FMN2: variants seen among roughly 807,000 people sequenced by gnomAD.
FMN2 encodes the protein formin 2, also known as formin-2.
A neutral mutation model predicts 142.3 loss-of-function variants in FMN2; 51 were observed. The observed-to-expected ratio is 0.36, with a 90% CI of 0.29 to 0.45. The LOEUF (loss-of-function observed/expected upper bound fraction) is 0.45. Ranked by LOEUF, FMN2 falls within the 20% of genes least tolerant of loss-of-function variation. The pLI is 1.00. For missense variants in FMN2, 1,936 were observed against 2,122.8 expected (o/e 0.91, Z 1.73); for synonymous variants, 882 against 869.8 (o/e 1.01, Z -0.25).
At chr1:240,279,461 A>G (rs1669324820) in intron 7 of FMN2, among the ~76,000 whole-genome samples, 2 of 152,164 alleles carry the variant, frequency 1.3e-5, no homozygotes, top group African/African-American at 4.8e-5. Context: ...TGTAAGAAGC[A>G]GGTGGTACTT....
intron 14 of FMN2, among the ~76,000 whole-genome samples, chr1:240,365,320 T>C (rs1043549351): frequency 8.5e-5 from 11 of 129,052 alleles, no homozygotes; most frequent in East Asian, 4.8e-4. Flanking sequence ...CACATATATA[T>C]ACACACACAC....
At chr1:240,426,527 A>G (rs1674940849) in intron 15 of FMN2, among the ~76,000 whole-genome samples, 1 of 152,176 alleles carries the variant, frequency 6.6e-6, no homozygotes, top group Admixed American at 6.5e-5. Context: ...TGGAAAAGTT[A>G]AAATATGTGC....
chr1:240,296,698 T>C (rs1016506265), intron 8 of FMN2, among the ~76,000 whole-genome samples: 22 of 151,616 alleles, frequency 1.5e-4, no homozygotes, highest in African/African-American at 1.7e-4. Context: ...ATATGTTATA[T>C]GGTGGTCTCA....
At chr1:240,335,254 G>A (rs1671518820) in intron 13 of FMN2, among the ~76,000 whole-genome samples, 1 of 152,146 alleles carries the variant, frequency 6.6e-6, no homozygotes, top group African/African-American at 2.4e-5. Context: ...GTTGAAGAGG[G>A]CTGAAATTCT....
At position 240,381,173 on chromosome 1, in the gene FMN2, C is replaced by T. The variant is rs559048235; in HGVS notation, c.4859-11338C>T. Reference sequence around the variant, plus strand: ...TAACTCATTCATGAAAACAGTATGACCCTGGTACCAAAATCAGGCTAGAAC... The same window carrying T: ...TAACTCATTCATGAAAACAGTATGATCCTGGTACCAAAATCAGGCTAGAAC... On this transcript the variant is annotated intron_variant, in intron 14 of 17. Coordinates refer to ENST00000319653, the MANE Select transcript of FMN2 (RefSeq NM_020066.5). Among the ~76,000 whole-genome samples, 13 of 152,142 alleles carry T rather than the reference C, an allele frequency of 8.5e-5. No individual in the cohort carries two copies. In the South Asian group the frequency reaches 2.7e-3, roughly 32 times the overall value.
At chr1:240,336,077 A>G (rs1671544532) in intron 13 of FMN2, among the ~76,000 whole-genome samples, 1 of 152,180 alleles carries the variant, frequency 6.6e-6, no homozygotes, top group Non-Finnish European at 1.5e-5. Flanking sequence ...TGGGAGGCAG[A>G]GGTTGCAGTG....
chr1:240,410,835 T>C (rs1173189486), intron 15 of FMN2, among the ~76,000 whole-genome samples: 2 of 152,174 alleles, frequency 1.3e-5, no homozygotes, highest in Non-Finnish European at 1.5e-5. Context: ...GTAGACATAG[T>C]TGCAAAAGTC....
At chr1:240,466,827 T>C (rs1483453109) in intron 16 of FMN2, among the ~76,000 whole-genome samples, 1 of 152,158 alleles carries the variant, frequency 6.6e-6, no homozygotes, top group Non-Finnish European at 1.5e-5. Context: ...CCTAACCTTC[T>C]CTAGGTGCGA....
At chr1:240,307,753 AG>A (rs1215604332) in intron 8 of FMN2, among the ~76,000 whole-genome samples, 16 of 152,274 alleles carry the variant, frequency 1.1e-4, no homozygotes, top group Admixed American at 1.3e-4. Context: ...ATTTTAGAAT[AG>A]TTTTTCCTAA....
intron 4 of FMN2, among the ~76,000 whole-genome samples, chr1:240,189,045 A>T (rs1358662946): frequency 1.3e-5 from 2 of 152,166 alleles, no homozygotes; most frequent in African/African-American, 4.8e-5. Flanking sequence ...TGTGGGAATT[A>T]TGGGAGCTAC....
intron 2 of FMN2, among the ~76,000 whole-genome samples, chr1:240,153,240 G>A (rs541479782): frequency 1.3e-5 from 2 of 152,250 alleles, no homozygotes; most frequent in South Asian, 4.1e-4. Context: ...AGCATAGAAC[G>A]AGGGCTGAGT....
chr1:240,242,141 G>A (rs1310220193), intron 6 of FMN2, among the ~76,000 whole-genome samples: 7 of 152,058 alleles, frequency 4.6e-5, no homozygotes, highest in Admixed American at 1.3e-4. Context: ...CACCGCGCCC[G>A]GCTAGTGTGC....
intron 2 of FMN2, among the ~76,000 whole-genome samples, chr1:240,138,277 G>A (rs968090869): frequency 1.3e-5 from 2 of 151,978 alleles, no homozygotes; most frequent in African/African-American, 4.8e-5. Context: ...AGTAGGGACT[G>A]AGGGGTGTGC....
rs191990051 is a variant in FMN2, at chr1:240,199,691, C to G, written c.1987-7108C>G. Among the ~76,000 whole-genome samples the G allele has an allele frequency of 9.9e-4, 150 of 152,266 alleles. 2 individuals carry two copies. In the South Asian group the frequency reaches 0.02, roughly 21 times the overall value. ...ATAATTATTGAGCCAACGTAGATGG[C>G]AGACTCTACCACTTATGATTTAGGG... is the stretch of plus-strand genomic sequence containing the variant. On this transcript the variant is annotated intron_variant, in intron 4 of 17. Transcript: ENST00000319653.
intron 14 of FMN2, among the ~76,000 whole-genome samples, chr1:240,357,236 A>C (rs1672301750): frequency 6.6e-6 from 1 of 152,218 alleles, no homozygotes; most frequent in Non-Finnish European, 1.5e-5. Context: ...ATTTATTCAA[A>C]AAAGCAATCA....
chr1:240,168,895 T>C (rs1017428218), intron 2 of FMN2, among the ~76,000 whole-genome samples: 1 of 152,052 alleles, frequency 6.6e-6, no homozygotes, highest in Non-Finnish European at 1.5e-5. Context: ...ACACAATTTA[T>C]ATTGTCCCTG....
intron 13 of FMN2, among the ~76,000 whole-genome samples, chr1:240,352,270 T>G (rs995829188): frequency 6.6e-6 from 1 of 152,144 alleles, no homozygotes; most frequent in Non-Finnish European, 1.5e-5. Flanking sequence ...AATCAGTAGA[T>G]AGTTGATCGA....
At chr1:240,337,928 G>A (rs1020702286) in intron 13 of FMN2, among the ~76,000 whole-genome samples, 12 of 152,248 alleles carry the variant, frequency 7.9e-5, no homozygotes, top group Admixed American at 1.3e-4. Flanking sequence ...CTTGTAGTTC[G>A]TTAAGCAACC....
intron 8 of FMN2, among the ~76,000 whole-genome samples, chr1:240,319,974 G>A (rs1572189202): frequency 1.3e-5 from 2 of 152,150 alleles, no homozygotes; most frequent in East Asian, 3.9e-4. Context: ...AGGTATATGA[G>A]TCTAGGGTGG....
Sources: gnomAD v4.1 joint callset for allele counts (sites outside exome capture counted in the v4.1 genomes callset) on GRCh38, gnomAD v4.1.1 for gene constraint, MANE v1.5 for transcripts, NCBI Gene and HGNC (gene_info 2026-07-23, HGNC 2026-07-21) for gene names.